SANBR: variants seen among roughly 807,000 people sequenced by gnomAD.
The protein encoded by SANBR is SANT and BTB domain regulator of class switch recombination.
A neutral mutation model predicts 101.8 loss-of-function variants in SANBR; 77 were observed. The ratio of observed to expected loss-of-function variants is 0.76; its 90% CI spans 0.63 to 0.91. The LOEUF (loss-of-function observed/expected upper bound fraction) is 0.91. SANBR is among the 40% of genes least tolerant of loss of function. The pLI, the probability that SANBR is intolerant of heterozygous loss-of-function variation, is 0.00. For synonymous variants in SANBR, 279 were observed against 274.7 expected (o/e 1.02, Z -0.15); for missense variants, 875 against 853.0 (o/e 1.03, Z -0.32).
chr2:61,104,024 G>A (rs907064170), intron 13 of SANBR, 26 bp downstream of exon 13: 29 of 1,599,308 alleles, frequency 1.8e-5, no homozygotes, highest in Non-Finnish European at 2.3e-5. Context: ...ACCCAACACT[G>A]TATTATAGCT....
chr2:61,131,078 A>T (rs1387661534), intron 20 of SANBR, among the ~76,000 whole-genome samples: 5 of 152,118 alleles, frequency 3.3e-5, no homozygotes, highest in African/African-American at 1.2e-4. Context: ...GACATCTACA[A>T]AAACCCCACA....
chr2:61,114,498 A>G lies in SANBR; in HGVS notation c.1745-1481A>G, dbSNP rs572362468. Reference sequence around the variant, plus strand: ...AAAGAGGATTAGGCTGCCTTCAGCCATAACTCTATCCTGAGGCTTCTGCAA... The same window carrying G: ...AAAGAGGATTAGGCTGCCTTCAGCCGTAACTCTATCCTGAGGCTTCTGCAA... On this transcript the variant is annotated intron_variant, in intron 16 of 21. Coordinates refer to ENST00000402291, the MANE Select transcript of SANBR (RefSeq NM_001129993.3). Among the ~76,000 whole-genome samples the G allele has an allele frequency of 5.3e-5, 8 of 152,262 alleles. No homozygotes were observed. The South Asian group carries it at 1.2e-3, about 24-fold the overall frequency.
intron 10 of SANBR, chr2:61,088,845 A>G (rs1202993002): frequency 1.5e-5 from 15 of 970,204 alleles, no homozygotes; most frequent in Middle Eastern, 5.2e-4. Flanking sequence ...GTGAATTTCT[A>G]GCATATTTAT....
At chr2:61,083,433 G>C in intron 8 of SANBR, 119 bp downstream of exon 8, 1 of 734,756 alleles carries the variant, frequency 1.4e-6, no homozygotes, top group Non-Finnish European at 2.2e-6. Flanking sequence ...TTCTCACTCT[G>C]TTGTTCAGGC....
rs549376261 is a variant in SANBR at position 61,097,533 on chromosome 2, T to C, written c.1213-167T>C. ...GCCCATTTGCTGCTATTCCACATTA[T>C]AACCTTCCACCCCTGGCAACCACTA... On this transcript the variant is annotated intron_variant, in intron 11 of 21. Coordinates refer to ENST00000402291, the MANE Select transcript of SANBR (RefSeq NM_001129993.3). Among the ~76,000 whole-genome samples the C allele has an allele frequency of 3.9e-5, 6 of 152,286 alleles. No homozygotes were observed. The East Asian group carries it at 9.6e-4, about 24-fold the overall frequency.
Position 61,088,468 on chromosome 2 carries a change from GGT to G in SANBR, c.1088+3_1088+4del. On this transcript the variant is annotated splice_donor_variant, in intron 10 of 21. Coordinates refer to ENST00000402291, the MANE Select transcript of SANBR (RefSeq NM_001129993.3). LOFTEE classifies it high-confidence loss of function. ...GGAAATATTGTCTATATTCACATAA[GGT>G]GTCGTGAAGATAAAATACATACATG... The G allele has an allele frequency of 6.3e-7, 1 of 1,582,588 alleles. No individual in the cohort carries two copies. Among genetic ancestry groups the G allele is most frequent in the Non-Finnish European group, 8.6e-7 (1 of 1,159,466 alleles).
Position 61,109,258 on chromosome 2 carries a change from A to G in SANBR, c.1706A>G (p.Asp569Gly). 6.3e-7 allele frequency: 1 copy of G among 1,581,002 alleles called. No individual in the cohort carries two copies. Among genetic ancestry groups the G allele is most frequent in the Non-Finnish European group, 8.6e-7 (1 of 1,161,388 alleles). ...ACCACTGGATCTGAGGTCACTGAAG[A>G]TGAAGTTGGAGATGAAGAAGAAGTA... ...EYTTGSEVTE[D>G]EVGDEEEVSK... The change falls in exon 16 of 22, where the codon GAT becomes GGT. Residue 569 changes from aspartate (D) to glycine (G), a missense_variant. Transcript: ENST00000402291.
At chr2:61,074,477 C>T (rs1681652678) in intron 5 of SANBR, among the ~76,000 whole-genome samples, 1 of 152,224 alleles carries the variant, frequency 6.6e-6, no homozygotes, top group African/African-American at 2.4e-5. Context: ...GGCTCCATCT[C>T]AGCTCTCTGC....
chr2:61,092,644 T>C, intron 11 of SANBR, 57 bp downstream of exon 11: 1 of 1,304,764 alleles, frequency 7.7e-7, no homozygotes, highest in Non-Finnish European at 1.1e-6. Flanking sequence ...AAGATTATTT[T>C]GATATCTGCT....
At chr2:61,073,698 C>A in intron 5 of SANBR, 147 bp downstream of exon 5, 1 of 416,480 alleles carries the variant, frequency 2.4e-6, no homozygotes. Flanking sequence ...GTTGAACTGA[C>A]CGAAACATGA....
In SANBR at chr2:61,073,556, G is replaced by T; in HGVS notation, c.431+5G>T. Reference sequence around the variant, plus strand: ...AATGACTGAAGAATCTGAAGGGTAGGCGGCTGGTTGTTTGCTAGATAAGAT... The same window carrying T: ...AATGACTGAAGAATCTGAAGGGTAGTCGGCTGGTTGTTTGCTAGATAAGAT... On this transcript the variant is annotated splice_donor_5th_base_variant and intron_variant, in intron 5 of 21. Transcript: ENST00000402291. 6.5e-7 allele frequency: 1 copy of T among 1,527,852 alleles called. No homozygotes were observed. The highest frequency in any genetic ancestry group is 8.9e-7 in the Non-Finnish European group (1 of 1,118,942). The allele number at this position is 1,527,852 out of a possible 1,614,324, so 94.6% of individuals were successfully genotyped here. A position where few individuals can be genotyped will look rare whatever the true frequency, so the allele number is the denominator to read the frequency against.
At chr2:61,071,913 A>G (rs1681494434) in intron 4 of SANBR, 121 bp downstream of exon 4, 7 of 627,970 alleles carry the variant, frequency 1.1e-5, no homozygotes, top group Non-Finnish European at 1.9e-5. Flanking sequence ...AGAGAAATGT[A>G]TTCATATTTG....
intron 12 of SANBR, among the ~76,000 whole-genome samples, chr2:61,102,346 A>T (rs1683327907): frequency 6.9e-6 from 1 of 145,952 alleles, no homozygotes; most frequent in Non-Finnish European, 1.5e-5. Flanking sequence ...TGGCCTAGCA[A>T]CAGAGCAAGA....
chr2:61,134,856 T>C (rs1352561397), intron 21 of SANBR, among the ~76,000 whole-genome samples: 1 of 152,006 alleles, frequency 6.6e-6, no homozygotes, highest in Non-Finnish European at 1.5e-5. Flanking sequence ...ATCGCGCCAC[T>C]GCACTCCAGC....
intron 13 of SANBR, among the ~76,000 whole-genome samples, chr2:61,105,319 T>C (rs541490061): frequency 6.6e-6 from 1 of 151,782 alleles, no homozygotes; most frequent in South Asian, 2.1e-4. Flanking sequence ...TGAGCTGAGA[T>C]TGTGCCACTG....
downstream of SANBR, among the ~76,000 whole-genome samples, chr2:61,124,755 T>C (rs1177286): frequency 0.62 from 93,430 of 151,740 alleles, 30,591 homozygotes; most frequent in African/African-American, 0.85. Context: ...TAAAGATTTA[T>C]TAAACATTTA....
Position 61,106,697 on chromosome 2 carries a change from A to G in SANBR, c.1611+35A>G, listed in dbSNP as rs193192839. On this transcript the variant is annotated intron_variant, in intron 14 of 21. Coordinates refer to ENST00000402291, the MANE Select transcript of SANBR (RefSeq NM_001129993.3). ...TTTTTTTCACTTATTCTTTATTTAC[A>G]TAAATAATTAATGACATTTAATCTT... 6.3e-5 allele frequency: 76 copies of G among 1,200,616 alleles called. No individual in the cohort carries two copies. The South Asian group carries it at 7.3e-4, about 11-fold the overall frequency. The allele number at this position is 1,200,616 out of a possible 1,614,324, so 74.4% of individuals were successfully genotyped here.
At chr2:61,092,977 C>T (rs997564959) in intron 11 of SANBR, among the ~76,000 whole-genome samples, 4 of 151,998 alleles carry the variant, frequency 2.6e-5, no homozygotes, top group South Asian at 4.2e-4. Flanking sequence ...AGTAAAAATA[C>T]GAAAAATTAC....
chr2:61,092,351 T>A, intron 10 of SANBR, 113 bp from the exon 11 acceptor site: 4 of 771,112 alleles, frequency 5.2e-6, no homozygotes, highest in Non-Finnish European at 7.3e-6. Context: ...GCCATTGCAC[T>A]CCAGCCTGGG....
Sources: gnomAD v4.1 joint callset for allele counts (sites outside exome capture counted in the v4.1 genomes callset) on GRCh38, gnomAD v4.1.1 for gene constraint, MANE v1.5 for transcripts, NCBI Gene and HGNC (gene_info 2026-07-23, HGNC 2026-07-21) for gene names.